The following CELSR1 variants were observed in gnomAD, a reference collection of about 807,000 sequenced individuals.
CELSR1 encodes cadherin EGF LAG seven-pass G-type receptor 1, also known as adhesion G protein-coupled receptor C1.
Under a neutral mutation model 249.1 loss-of-function variants are expected in CELSR1, and 110 were observed. That is an observed-to-expected ratio of 0.44 (90% CI 0.38 to 0.52). CELSR1 has a LOEUF of 0.52. CELSR1 is among the 20% of genes least tolerant of loss of function. The probability of loss-of-function intolerance (pLI) is 0.00; values close to 1 mark genes in which losing one functional copy is unlikely to be tolerated. For missense variants in CELSR1, 4,109 were observed against 4,296.4 expected, an observed-to-expected ratio of 0.96 and a Z score of 1.22; for synonymous variants, 2,113 against 1,900.0, an observed-to-expected ratio of 1.11 and a Z score of -2.92.
Position 46,456,462 on chromosome 22 carries a change from G to A in CELSR1, c.4183+7245C>T, listed in dbSNP as rs550779098. On this transcript the variant is annotated intron_variant, in intron 2 of 34. Transcript: ENST00000674500. ...ATCACGAGGTCAGGAGATCGAGACC[G>A]TCATGGTTAACAAGGTGACACCCCG... 1.7e-4 allele frequency among the ~76,000 whole-genome samples: 26 copies of A among 151,984 alleles called. No homozygotes were observed. In the South Asian group the frequency reaches 2.7e-3, roughly 16 times the overall value.
At chr22:46,520,714 G>A (rs999759262) in intron 1 of CELSR1, among the ~76,000 whole-genome samples, 3 of 152,138 alleles carry the variant, frequency 2.0e-5, no homozygotes, top group South Asian at 2.1e-4. Context: ...CACCTGCCTC[G>A]GCCTCCCAAA....
At chr22:46,479,285 T>C (rs1030064376) in intron 1 of CELSR1, among the ~76,000 whole-genome samples, 1 of 152,064 alleles carries the variant, frequency 6.6e-6, no homozygotes, top group Non-Finnish European at 1.5e-5. Context: ...GCAGTGCCTC[T>C]GAAATGCTGA....
At chr22:46,505,401 AGGT>A (rs2080505905) in intron 1 of CELSR1, among the ~76,000 whole-genome samples, 1 of 152,096 alleles carries the variant, frequency 6.6e-6, no homozygotes, top group Non-Finnish European at 1.5e-5. Flanking sequence ...TGGAAGGCTG[AGGT>A]GGGAAAATTG....
In CELSR1 at chr22:46,446,091, T is replaced by G. The variant is rs1175453459; in HGVS notation, c.4184-6680A>C. 6.6e-6 allele frequency among the ~76,000 whole-genome samples: 1 copy of G among 152,092 alleles called. No individual in the cohort carries two copies. The highest frequency in any genetic ancestry group is 1.5e-5 in the Non-Finnish European group (1 of 67,996). On this transcript the variant is annotated intron_variant, in intron 2 of 34. Coordinates refer to ENST00000674500, the MANE Select transcript of CELSR1 (RefSeq NM_001378328.1). The surrounding 1 kb of genome is among the most constrained non-coding windows in gnomAD (Gnocchi z 5.5). The stretch of plus-strand genomic sequence containing the variant: ...CCACTGCTCCATAAAGACCCCAGCC[T>G]AAGGGGTCCCAGGGCCCAGCCCCCA...
intron 27 of CELSR1, among the ~76,000 whole-genome samples, chr22:46,368,876 T>G (rs1282507220): frequency 6.6e-6 from 1 of 150,748 alleles, no homozygotes; most frequent in Non-Finnish European, 1.5e-5. Flanking sequence ...CCATCTCCAC[T>G]CTGGGGATTC....
At position 46,445,325 on chromosome 22, in the gene CELSR1, C is replaced by T. The variant is rs558280287; in HGVS notation, c.4184-5914G>A. 8.3e-4 allele frequency among the ~76,000 whole-genome samples: 126 copies of T among 152,106 alleles called. No homozygotes were observed. The highest frequency in any genetic ancestry group is 2.8e-3 in the African/African-American group (118 of 41,492). On this transcript the variant is annotated intron_variant, in intron 2 of 34. Coordinates refer to ENST00000674500, the MANE Select transcript of CELSR1 (RefSeq NM_001378328.1). This position sits in a 1 kb window ranked among gnomAD's most constrained non-coding sequence, Gnocchi z 4.4. ...CCTGGCCAATGTGACAAAACCCCGT[C>T]TCTACTAAAAATATAAAAATTAGCC...
chr22:46,471,863 G>T lies in CELSR1; in HGVS notation c.3545-7518C>A, dbSNP rs963687793. Among the ~76,000 whole-genome samples, 1 of 152,184 alleles carries T rather than the reference G, an allele frequency of 6.6e-6. No homozygotes were observed. Among genetic ancestry groups the T allele is most frequent in the Non-Finnish European group, 1.5e-5 (1 of 68,036 alleles). Reference sequence around the variant, plus strand: ...TGGCTTCCAGCCTTCCCTGGGTCTGGGACCTGTACAGTTTTCAGGGGCTGC... The same window carrying T: ...TGGCTTCCAGCCTTCCCTGGGTCTGTGACCTGTACAGTTTTCAGGGGCTGC... On this transcript the variant is annotated intron_variant, in intron 1 of 34. Coordinates refer to ENST00000674500, the MANE Select transcript of CELSR1 (RefSeq NM_001378328.1). This position sits in a 1 kb window ranked among gnomAD's most constrained non-coding sequence, Gnocchi z 4.9.
rs114110206 is a variant in CELSR1, at chr22:46,519,015, G to A, written c.3544+14612C>T. On this transcript the variant is annotated intron_variant, in intron 1 of 34. Transcript: ENST00000674500. ...GCCACTGTACTCCAGCCTGGGTAAC[G>A]GAGCGAGACTCTGTATCAAAAAAAA... Among the ~76,000 whole-genome samples, 1,229 of 151,920 alleles carry A rather than the reference G, an allele frequency of 8.1e-3. 18 individuals carry two copies. The highest frequency in any genetic ancestry group is 0.029 in the African/African-American group (1,184 of 41,412).
intron 1 of CELSR1, among the ~76,000 whole-genome samples, chr22:46,516,930 C>T (rs2080634122): frequency 6.6e-6 from 1 of 152,244 alleles, no homozygotes; most frequent in Non-Finnish European, 1.5e-5. Context: ...GCCCAGAATC[C>T]CACCTAAACC....
rs1022666653 is a variant in CELSR1, at chr22:46,436,438, G to A, written c.4407-149C>T. ...TCAGGCATGCGTCCTTCTCATAGGA[G>A]CAGACAGCCCATCAAGCTTGATAAG... is the stretch of plus-strand genomic sequence containing the variant. On this transcript the variant is annotated intron_variant, in intron 3 of 34. Coordinates refer to ENST00000674500, the MANE Select transcript of CELSR1 (RefSeq NM_001378328.1). This position sits in a 1 kb window ranked among gnomAD's most constrained non-coding sequence, Gnocchi z 5.9. 7 of 605,666 alleles carry A rather than the reference G, an allele frequency of 1.2e-5. No homozygotes were observed. The highest frequency in any genetic ancestry group is 8.7e-5 in the Admixed American group (3 of 34,296). The allele number at this position is 605,666 out of a possible 1,614,324, so 37.5% of individuals were successfully genotyped here.
chr22:46,532,149 G>A (rs1000765747), intron 1 of CELSR1, among the ~76,000 whole-genome samples: 9 of 152,180 alleles, frequency 5.9e-5, no homozygotes. Flanking sequence ...CCCCAGCATG[G>A]ATCTGTTCCC....
At chr22:46,422,535 C>T (rs1383111218) in intron 5 of CELSR1, among the ~76,000 whole-genome samples, 4 of 151,186 alleles carry the variant, frequency 2.6e-5, no homozygotes, top group African/African-American at 9.7e-5. Context: ...GTGACTGAGA[C>T]CATCCTGGCC....
In CELSR1 at chr22:46,409,637, A is replaced by T; in HGVS notation, c.5059+118T>A. ...TGAGTCCACAGTAAATGCAGCATAT[A>T]CCACCAGAGGCTGCCGGACCTGGAT... is the stretch of plus-strand genomic sequence containing the variant. On this transcript the variant is annotated intron_variant, in intron 8 of 34. Transcript: ENST00000674500. The surrounding 1 kb of genome is among the most constrained non-coding windows in gnomAD (Gnocchi z 9.8). 2 of 1,242,988 alleles carry T rather than the reference A, an allele frequency of 1.6e-6. No homozygotes were observed. The highest frequency in any genetic ancestry group is 2.3e-6 in the Non-Finnish European group (2 of 873,914). The allele number at this position is 1,242,988 out of a possible 1,614,324, so 77.0% of individuals were successfully genotyped here. A position where few individuals can be genotyped will look rare whatever the true frequency, so the allele number is the denominator to read the frequency against.
chr22:46,382,162 A>G, intron 20 of CELSR1, 112 bp from the exon 21 acceptor site: 1 of 1,031,330 alleles, frequency 9.7e-7, no homozygotes, highest in Non-Finnish European at 1.4e-6. Context: ...CACAGAAAAC[A>G]GTACCGTGGG....
At chr22:46,421,550 G>A (rs76844788) in intron 5 of CELSR1, among the ~76,000 whole-genome samples, 11,253 of 152,150 alleles carry the variant, frequency 0.074, 1,312 homozygotes, top group African/African-American at 0.25. Context: ...GAAACCAAGT[G>A]ACTTATCTGT....
chr22:46,403,971 C>CA (rs756055741), intron 9 of CELSR1, among the ~76,000 whole-genome samples: 3,326 of 47,434 alleles, frequency 0.07, 148 homozygotes, highest in African/African-American at 0.14. Context: ...AACTCCGTCT[C>CA]AAAAAAAAAA....
chr22:46,407,594 C>T lies in CELSR1; in HGVS notation c.5226+1402G>A, dbSNP rs2079280530. Among the ~76,000 whole-genome samples, 1 of 151,932 alleles carries T rather than the reference C, an allele frequency of 6.6e-6. No homozygotes were observed. The highest frequency in any genetic ancestry group is 1.5e-5 in the Non-Finnish European group (1 of 67,996). ...TTGCAGTGAGCTGAGGTTACGCCGT[C>T]GCACTCCAGCCTGGGCAACAAGAGC... On this transcript the variant is annotated intron_variant, in intron 9 of 34. Transcript: ENST00000674500. This position sits in a 1 kb window ranked among gnomAD's most constrained non-coding sequence, Gnocchi z 4.8.
rs149395660 is a variant in CELSR1 at position 46,411,477 on chromosome 22, C to T, written c.4769+125G>A. ...CCATGGACAGGATGTCTGACTCTAG[C>T]CTGGAATGAGGTCGCCAGGGCACTG... On this transcript the variant is annotated intron_variant, in intron 6 of 34. Coordinates refer to ENST00000674500, the MANE Select transcript of CELSR1 (RefSeq NM_001378328.1). This position sits in a 1 kb window ranked among gnomAD's most constrained non-coding sequence, Gnocchi z 4.2. The T allele has an allele frequency of 1.7e-5, 18 of 1,080,254 alleles. No individual in the cohort carries two copies. The highest frequency in any genetic ancestry group is 2.6e-5 in the East Asian group (1 of 38,652). 66.9% of individuals were successfully genotyped at this position (1,080,254 alleles called of 1,614,324 possible).
At position 46,475,806 on chromosome 22, in the gene CELSR1, A is replaced by G. The variant is rs140510888; in HGVS notation, c.3545-11461T>C. On this transcript the variant is annotated intron_variant, in intron 1 of 34. Coordinates refer to ENST00000674500, the MANE Select transcript of CELSR1 (RefSeq NM_001378328.1). ...AATGTTCTCTCCTGATTTCATGTAC[A>G]AAATAAAGCTCATATCCTAAGGCAG... 2.7e-3 allele frequency among the ~76,000 whole-genome samples: 414 copies of G among 152,300 alleles called. 1 individual carries two copies. Among genetic ancestry groups the G allele is most frequent in the African/African-American group, 9.6e-3 (399 of 41,534 alleles).
Sources: gnomAD v4.1 joint callset for allele counts (sites outside exome capture counted in the v4.1 genomes callset) on GRCh38, gnomAD v4.1.1 for gene constraint, Gnocchi (gnomAD v3.1) non-coding constraint, MANE v1.5 for transcripts, NCBI Gene and HGNC (gene_info 2026-07-23, HGNC 2026-07-21) for gene names.